Variants in TARBP1 observed in about 807,000 individuals in gnomAD.
TARBP1 encodes tRNA (guanosine(18)-2'-O)-methyltransferase TARBP1.
Under a neutral mutation model 178.6 loss-of-function variants are expected in TARBP1, and 144 were observed. The ratio of observed to expected loss-of-function variants is 0.81; its 90% CI spans 0.70 to 0.93. The LOEUF (loss-of-function observed/expected upper bound fraction) is 0.93, where lower values mean the gene tolerates loss of function less well. TARBP1 is among the 40% of genes least tolerant of loss of function. The pLI, the probability that TARBP1 is intolerant of heterozygous loss-of-function variation, is 0.00. For synonymous variants in TARBP1, 787 were observed against 781.0 expected, an observed-to-expected ratio of 1.01 and a Z score of -0.13; for missense variants, 2,067 against 2,011.7, an observed-to-expected ratio of 1.03 and a Z score of -0.53.
intron 9 of TARBP1, among the ~76,000 whole-genome samples, chr1:234,456,537 T>C (rs1667305132): frequency 6.6e-6 from 1 of 152,214 alleles, no homozygotes; most frequent in Non-Finnish European, 1.5e-5. Context: ...AAGGAACTAA[T>C]ACAATAAATT....
intron 14 of TARBP1, among the ~76,000 whole-genome samples, chr1:234,433,048 G>A (rs1190063475): frequency 1.3e-5 from 2 of 152,236 alleles, no homozygotes; most frequent in Middle Eastern, 3.4e-3. Context: ...GACTAGCCTG[G>A]TTAACATGGT....
chr1:234,406,130 C>T (rs1323263776), intron 23 of TARBP1, 31 bp from the exon 24 acceptor site: 1 of 1,602,948 alleles, frequency 6.2e-7, no homozygotes, highest in Non-Finnish European at 8.5e-7. Context: ...TTCCTCAAAA[C>T]ACAGACATGG....
At chr1:234,432,615 G>A (rs1664576379) in intron 14 of TARBP1, among the ~76,000 whole-genome samples, 3 of 152,188 alleles carry the variant, frequency 2.0e-5, no homozygotes, top group African/African-American at 7.2e-5. Context: ...CATAAAAGGG[G>A]AGACCAGATG....
intron 24 of TARBP1, 61 bp from the exon 25 acceptor site, chr1:234,401,323 A>T: frequency 2.3e-6 from 3 of 1,286,392 alleles, no homozygotes; most frequent in Non-Finnish European, 3.3e-6. Flanking sequence ...TGAGGGGAGA[A>T]TCAATTCAGT....
At chr1:234,433,017 A>G (rs1294516408) in intron 14 of TARBP1, among the ~76,000 whole-genome samples, 2 of 152,238 alleles carry the variant, frequency 1.3e-5, no homozygotes, top group African/African-American at 4.8e-5. Context: ...AGGCAGGCGG[A>G]TCACGAGGTC....
chr1:234,422,685 G>C (rs1486827775), intron 20 of TARBP1, among the ~76,000 whole-genome samples: 1 of 152,022 alleles, frequency 6.6e-6, no homozygotes. Flanking sequence ...AGTATAACAA[G>C]GTGGCTACAG....
At chr1:234,399,703 C>T (rs917543109) in intron 25 of TARBP1, among the ~76,000 whole-genome samples, 1 of 151,932 alleles carries the variant, frequency 6.6e-6, no homozygotes, top group Non-Finnish European at 1.5e-5. Flanking sequence ...TACTATGAGG[C>T]CATAAAAAAT....
At chr1:234,401,147 A>G in intron 25 of TARBP1, 34 bp downstream of exon 25, 2 of 1,548,714 alleles carry the variant, frequency 1.3e-6, no homozygotes, top group South Asian at 2.3e-5. Flanking sequence ...TTAAAGATAC[A>G]ATAGAGAATT....
intron 4 of TARBP1, 25 bp downstream of exon 4, chr1:234,467,477 A>T: frequency 6.6e-7 from 1 of 1,526,492 alleles, no homozygotes; most frequent in Non-Finnish European, 8.8e-7. Flanking sequence ...CAATGGGAGC[A>T]AGGAAGGGGA....
Position 234,427,373 on chromosome 1 carries a change from T to C in TARBP1, c.3267A>G (p.Val1089=), listed in dbSNP as rs1190194185. The C allele has an allele frequency of 6.2e-7, 1 of 1,611,108 alleles. No individual in the cohort carries two copies. The highest frequency in any genetic ancestry group is 8.5e-7 in the Non-Finnish European group (1 of 1,178,886). Residue 1089 remains valine (V), a synonymous_variant, in exon 19 of 30, where the codon GTA becomes GTG. Transcript: ENST00000040877. The part of the protein sequence containing the change: ...FRRDQRLVQD[V]QTFIENLGHD... ...GTCCAAGGTTTTCTATGAAGGTCTG[T>C]ACATCCTGAACAAGTCTTTCCATAA...
chr1:234,448,443 TC>T, intron 11 of TARBP1, 36 bp downstream of exon 11: 1 of 1,570,906 alleles, frequency 6.4e-7, no homozygotes, highest in Non-Finnish European at 8.8e-7. Flanking sequence ...TCAGGATTTT[TC>T]AAATAGGCTT....
intron 1 of TARBP1, among the ~76,000 whole-genome samples, chr1:234,473,933 G>A (rs1292040290): frequency 6.6e-6 from 1 of 152,112 alleles, no homozygotes; most frequent in African/African-American, 2.4e-5. Flanking sequence ...TATAAGAACA[G>A]GATATTATTA....
rs878937462 is a variant in TARBP1, at chr1:234,430,329, T to C, written c.2395-28A>G. 4 of 1,600,474 alleles carry C rather than the reference T, an allele frequency of 2.5e-6. No homozygotes were observed. The South Asian group carries it at 4.4e-5, about 18-fold the overall frequency. On this transcript the variant is annotated intron_variant, in intron 14 of 29. Transcript: ENST00000040877. ...GAAAAGGAAATGTGACAATGTTTTA[T>C]TTAATATGCACAAGTCTTAATCAGT...
At chr1:234,397,019 G>A (rs571930440) in intron 26 of TARBP1, among the ~76,000 whole-genome samples, 20 of 151,252 alleles carry the variant, frequency 1.3e-4, no homozygotes, top group South Asian at 6.3e-4. Flanking sequence ...AAAAGAAACC[G>A]AAAGAAAATT....
rs1357313745 is a variant in TARBP1 at position 234,478,831 on chromosome 1, G to C, written c.273C>G (p.Arg91=). The C allele has an allele frequency of 8.4e-6, 10 of 1,195,394 alleles. No individual in the cohort carries two copies. In the Admixed American group the frequency reaches 2.3e-4, roughly 27 times the overall value. The allele number at this position is 1,195,394 out of a possible 1,614,324, so 74.0% of individuals were successfully genotyped here. ...CCGCCCTCAGCACGCGCCGGCGGTGGCGAGGCTGCAGACTGGGGTCCGGGC... is the reference window on the plus strand; with the variant it reads ...CCGCCCTCAGCACGCGCCGGCGGTGCCGAGGCTGCAGACTGGGGTCCGGGC... ...AGGPDPSLQP[R]HRRRVLRAAG... is the part of the protein sequence containing the mutation. The change falls in exon 1 of 30, where the codon CGC becomes CGG. Residue 91 remains arginine, a synonymous_variant. Transcript: ENST00000040877.
intron 11 of TARBP1, among the ~76,000 whole-genome samples, chr1:234,447,900 A>G (rs1666349366): frequency 6.6e-6 from 1 of 152,202 alleles, no homozygotes; most frequent in Non-Finnish European, 1.5e-5. Context: ...CTGATATAAA[A>G]CCAGTGACTA....
intron 1 of TARBP1, among the ~76,000 whole-genome samples, chr1:234,476,013 T>C (rs190800523): frequency 2.6e-5 from 4 of 152,194 alleles, no homozygotes; most frequent in Admixed American, 6.5e-5. Context: ...TCTACTGTTA[T>C]TATAGTAAGA....
At chr1:234,414,618 C>T (rs1662209885) in intron 22 of TARBP1, among the ~76,000 whole-genome samples, 1 of 152,176 alleles carries the variant, frequency 6.6e-6, no homozygotes, top group Admixed American at 6.5e-5. Flanking sequence ...TTGACTCCTG[C>T]AACAGTGTCT....
Position 234,463,940 on chromosome 1 carries a change from A to C in TARBP1, c.1302-6T>G. 6.5e-7 allele frequency: 1 copy of C among 1,548,226 alleles called. No homozygotes were observed. The highest frequency in any genetic ancestry group is 8.7e-7 in the Non-Finnish European group (1 of 1,146,338). On this transcript the variant is annotated splice_region_variant and splice_polypyrimidine_tract_variant and intron_variant, in intron 5 of 29. Coordinates refer to ENST00000040877, the MANE Select transcript of TARBP1 (RefSeq NM_005646.4). ...CTATTGGCTGGCCTGGGGACCTACA[A>C]ACAGAGAGTGGGGAAAACAAATATT...
Sources: allele counts gnomAD v4.1 joint callset (sites outside exome capture counted in the v4.1 genomes callset), GRCh38; gene constraint gnomAD v4.1.1; transcripts MANE v1.5; gene names NCBI Gene and HGNC (gene_info 2026-07-23, HGNC 2026-07-21).